The following DOCK11 variants were observed in gnomAD, a reference collection of about 807,000 sequenced individuals.
DOCK11 encodes dedicator of cytokinesis 11, also known as dedicator of cytokinesis protein 11.
A neutral mutation model predicts 169.1 loss-of-function variants in DOCK11; 70 were observed. That is an observed-to-expected ratio of 0.41 (90% confidence interval 0.34 to 0.51). The LOEUF (loss-of-function observed/expected upper bound fraction) is 0.51, where lower values mean the gene tolerates loss of function less well. Among genes scored for constraint, DOCK11 ranks in the 20% least tolerant of loss-of-function variants. The probability of loss-of-function intolerance (pLI) is 0.10; values close to 1 mark genes in which losing one functional copy is unlikely to be tolerated. For missense variants in DOCK11, 1,166 were observed against 1,538.8 expected (o/e 0.76, Z 4.05); for synonymous variants, 529 against 541.3 (o/e 0.98, Z 0.32).
intron 30 of DOCK11, chrX:118,616,275 C>G (rs1401513145): frequency 1.1e-6 from 1 of 919,993 alleles, no homozygotes; most frequent in Non-Finnish European, 1.4e-6. Context: ...AATTAGCTTG[C>G]TGTTTTAGAA....
At chrX:118,655,330 A>T (rs767906842) in intron 44 of DOCK11, among the ~76,000 whole-genome samples, 3 of 111,153 alleles carry the variant, frequency 2.7e-5, no homozygotes, top group African/African-American at 9.8e-5. Flanking sequence ...AAATATAAAA[A>T]AAAAATAGTA....
intron 1 of DOCK11, among the ~76,000 whole-genome samples, chrX:118,542,447 A>C (rs930464419): frequency 1.8e-5 from 2 of 110,925 alleles, no homozygotes; most frequent in African/African-American, 6.6e-5. Flanking sequence ...CTGGGATTAC[A>C]GGCATGAGCC....
Position 118,593,300 on chromosome X carries a change from G to A in DOCK11, c.2226G>A (p.Lys742=), listed in dbSNP as rs1265438951. The A allele has an allele frequency of 8.3e-7, 1 of 1,204,309 alleles. No homozygotes were observed. Among genetic ancestry groups the A allele is most frequent in the Non-Finnish European group, 1.1e-6 (1 of 892,747 alleles). Residue 742 remains lysine (K), a synonymous_variant, in exon 20 of 53, where the codon AAG becomes AAA. Transcript: ENST00000276202. Reference sequence around the variant, plus strand: ...ATGTAAGTTGTGAAATTAACACAAAGGGAACAACCAAAAAGCAAGACACAG... The same window carrying A: ...ATGTAAGTTGTGAAATTAACACAAAAGGAACAACCAAAAAGCAAGACACAG... The part of the protein sequence containing the change: ...FYHVSCEINT[K]GTTKKQDTVE...
At chrX:118,547,433 C>T (rs779478158) in intron 6 of DOCK11, among the ~76,000 whole-genome samples, 8 of 111,693 alleles carry the variant, frequency 7.2e-5, no homozygotes, top group African/African-American at 2.3e-4. Flanking sequence ...TCCTGTATAT[C>T]GCTTGCACCT....
intron 1 of DOCK11, among the ~76,000 whole-genome samples, chrX:118,536,374 T>G (rs1012665059): frequency 9.0e-6 from 1 of 111,720 alleles, no homozygotes; most frequent in Non-Finnish European, 1.9e-5. Context: ...AAGTCTCTAA[T>G]CTACAGTGGT....
chrX:118,673,954 G>T (rs781625547), intron 46 of DOCK11, among the ~76,000 whole-genome samples: 26 of 111,731 alleles, frequency 2.3e-4, no homozygotes, highest in Non-Finnish European at 3.2e-4. Flanking sequence ...AACTGTTTGA[G>T]CATGGTCATG....
At chrX:118,668,946 T>G (rs1229660073) in intron 45 of DOCK11, among the ~76,000 whole-genome samples, 1 of 111,783 alleles carries the variant, frequency 8.9e-6, no homozygotes, top group Admixed American at 9.6e-5. Flanking sequence ...TAACATAAAG[T>G]ACAAAGTTTG....
At chrX:118,497,290 A>G (rs141123278) in intron 1 of DOCK11, among the ~76,000 whole-genome samples, 70 of 108,455 alleles carry the variant, frequency 6.5e-4, no homozygotes, top group African/African-American at 2.3e-3. Flanking sequence ...AGAATCAGCA[A>G]TAAAACCCAG....
At position 118,590,221 on chromosome X, in the gene DOCK11, A is replaced by C. The variant is rs766743229; in HGVS notation, c.2058A>C (p.Gly686=). 2.5e-6 allele frequency: 3 copies of C among 1,208,649 alleles called. No homozygotes were observed. The highest frequency in any genetic ancestry group is 3.4e-6 in the Non-Finnish European group (3 of 893,758). The change falls in exon 19 of 53, where the codon GGA becomes GGC. Residue 686 remains glycine (G), a synonymous_variant. Transcript: ENST00000276202. ...SDASALKCIY[G]KPAGSVFTTN... is the part of the protein sequence containing the mutation. Reference sequence around the variant, plus strand: ...TCTTTCTTTTGCAGTGTATTTATGGAAAACCTGCAGGGTCTGTTTTTACCA... The same window carrying C: ...TCTTTCTTTTGCAGTGTATTTATGGCAAACCTGCAGGGTCTGTTTTTACCA...
Position 118,647,139 on chromosome X carries a change from A to G in DOCK11, c.4399-1806A>G, listed in dbSNP as rs867683146. Among the ~76,000 whole-genome samples the G allele has an allele frequency of 2.1e-3, 176 of 85,524 alleles. 1 individual carries two copies. Among genetic ancestry groups the G allele is most frequent in the Admixed American group, 5.2e-3 (37 of 7,169 alleles). The allele number at this position is 85,524 out of a possible 115,157, so 74.3% of individuals were successfully genotyped here. On this transcript the variant is annotated intron_variant, in intron 40 of 52. Transcript: ENST00000276202. ...CTATCAGTGTTTATGTGAAGAGGAT[A>G]TGTGTGTGTGTGTGTGTGTGTGTGT...
intron 28 of DOCK11, among the ~76,000 whole-genome samples, chrX:118,610,718 G>T (rs2014661812): frequency 9.0e-6 from 1 of 111,570 alleles, no homozygotes; most frequent in African/African-American, 3.3e-5. Context: ...ATTGGCATTG[G>T]CTTGTGTTCT....
chrX:118,612,392 A>T (rs966993769), intron 28 of DOCK11, among the ~76,000 whole-genome samples: 1 of 112,136 alleles, frequency 8.9e-6, no homozygotes, highest in African/African-American at 3.2e-5. Flanking sequence ...ATTATCTGAA[A>T]TGTAGAATAT....
chrX:118,524,374 T>G (rs1015963595), intron 1 of DOCK11, among the ~76,000 whole-genome samples: 4 of 111,903 alleles, frequency 3.6e-5, no homozygotes, highest in Admixed American at 2.8e-4. Flanking sequence ...TAAAGTTGAT[T>G]ACATTAACTT....
intron 31 of DOCK11, among the ~76,000 whole-genome samples, chrX:118,623,337 A>G (rs1005559199): frequency 5.3e-5 from 6 of 112,927 alleles, no homozygotes; most frequent in Admixed American, 4.7e-4. Context: ...AGCTATACCT[A>G]GGAGGTAGAA....
intron 28 of DOCK11, among the ~76,000 whole-genome samples, chrX:118,612,334 TA>T (rs762329791): frequency 1.1e-4 from 12 of 112,321 alleles, no homozygotes; most frequent in Non-Finnish European, 2.1e-4. Context: ...TTTTGTGTAT[TA>T]AAAAAGCCAA....
At chrX:118,512,848 A>G (rs978164350) in intron 1 of DOCK11, among the ~76,000 whole-genome samples, 6 of 112,049 alleles carry the variant, frequency 5.4e-5, no homozygotes, top group Non-Finnish European at 7.5e-5. Flanking sequence ...AATGGTGGCC[A>G]TAGAGGCTGC....
intron 6 of DOCK11, among the ~76,000 whole-genome samples, chrX:118,547,568 C>T (rs1232798903): frequency 8.9e-6 from 1 of 112,118 alleles, no homozygotes; most frequent in Non-Finnish European, 1.9e-5. Flanking sequence ...CTGCCCTATG[C>T]AATAGGTACT....
chrX:118,504,949 C>T (rs954187949), intron 1 of DOCK11, among the ~76,000 whole-genome samples: 1 of 112,689 alleles, frequency 8.9e-6, no homozygotes, highest in African/African-American at 3.2e-5. Context: ...CCTAGATGAC[C>T]TTGGGCCAAT....
intron 23 of DOCK11, among the ~76,000 whole-genome samples, chrX:118,601,421 C>CAA (rs199813534): frequency 6.1e-4 from 33 of 54,010 alleles, no homozygotes; most frequent in African/African-American, 2.2e-3. Flanking sequence ...GACCCTGTCT[C>CAA]AAAAAAAAAA....
Sources: gnomAD v4.1 joint callset for allele counts (sites outside exome capture counted in the v4.1 genomes callset) on GRCh38, gnomAD v4.1.1 for gene constraint, MANE v1.5 for transcripts, NCBI Gene and HGNC (gene_info 2026-07-23, HGNC 2026-07-21) for gene names.